The following NUSAP1 variants were observed in gnomAD, a reference collection of about 807,000 sequenced individuals.
NUSAP1 encodes nucleolar and spindle-associated protein 1.
NUSAP1 carries 32 observed loss-of-function variants against 52.8 expected under a neutral mutation model. The ratio of observed to expected loss-of-function variants is 0.61; its 90% CI spans 0.46 to 0.81. The LOEUF is 0.81. Ranked by LOEUF, NUSAP1 falls within the 40% of genes least tolerant of loss-of-function variation. The probability of loss-of-function intolerance (pLI) is 0.00; values close to 1 mark genes in which losing one functional copy is unlikely to be tolerated. For missense variants in NUSAP1, 499 were observed against 522.3 expected, an observed-to-expected ratio of 0.96 and a Z score of 0.43; for synonymous variants, 195 against 183.1, an observed-to-expected ratio of 1.06 and a Z score of -0.52.
intron 7 of NUSAP1, among the ~76,000 whole-genome samples, chr15:41,367,883 C>A (rs2049485680): frequency 6.6e-6 from 1 of 152,106 alleles, no homozygotes; most frequent in Non-Finnish European, 1.5e-5. Context: ...ACAGGTGCAT[C>A]TCCACTCCCC....
At chr15:41,365,724 CTTTTTT>C (rs757052862) in intron 7 of NUSAP1, 135 bp downstream of exon 7, 5 of 418,460 alleles carry the variant, frequency 1.2e-5, no homozygotes, top group Non-Finnish European at 1.9e-5. Flanking sequence ...TTTTCTTTTT[CTTTTTT>C]TTTTTTTTGA....
chr15:41,377,241 A>G lies in NUSAP1; in HGVS notation c.1169A>G (p.Asn390Ser), dbSNP rs1195006080. Residue 390 changes from asparagine (N) to serine (S), a missense_variant, in exon 10 of 11, where the codon AAT (asparagine) becomes AGT (serine). Coordinates refer to ENST00000559596, the MANE Select transcript of NUSAP1 (RefSeq NM_016359.5). ...WGQSKENNYL[N>S]QHVNRINFYK... Reference sequence around the variant, plus strand: ...CAATCTAAAGAAAATAATTATCTAAATCAACATGTCAACAGAATTAACTTC... The same window carrying G: ...CAATCTAAAGAAAATAATTATCTAAGTCAACATGTCAACAGAATTAACTTC... 1 of 1,542,572 alleles carries G rather than the reference A, an allele frequency of 6.5e-7. No individual in the cohort carries two copies. Among genetic ancestry groups the G allele is most frequent in the East Asian group, 2.4e-5 (1 of 41,112 alleles).
intron 7 of NUSAP1, among the ~76,000 whole-genome samples, chr15:41,366,722 C>A (rs769423564): frequency 6.6e-6 from 1 of 152,048 alleles, no homozygotes; most frequent in Non-Finnish European, 1.5e-5. Context: ...TCTGGTATTT[C>A]ATATATTTCC....
At chr15:41,374,023 A>T (rs991929309) in intron 8 of NUSAP1, among the ~76,000 whole-genome samples, 1 of 152,210 alleles carries the variant, frequency 6.6e-6, no homozygotes, top group African/African-American at 2.4e-5. Context: ...CCCCGTCTCT[A>T]CTAAAAATAC....
chr15:41,360,570 C>T (rs1418365884), intron 6 of NUSAP1, among the ~76,000 whole-genome samples: 1 of 152,102 alleles, frequency 6.6e-6, no homozygotes, highest in African/African-American at 2.4e-5. Context: ...CCTGCCTCAG[C>T]CTCCCAAAGT....
At chr15:41,360,988 G>A (rs1170159540) in intron 6 of NUSAP1, among the ~76,000 whole-genome samples, 1 of 152,010 alleles carries the variant, frequency 6.6e-6, no homozygotes, top group Non-Finnish European at 1.5e-5. Context: ...CAGCTACTCA[G>A]GAAGCTGAGA....
At chr15:41,349,325 T>C in intron 3 of NUSAP1, 84 bp downstream of exon 3, 5 of 1,305,720 alleles carry the variant, frequency 3.8e-6, no homozygotes, top group Non-Finnish European at 4.3e-6. Flanking sequence ...TAAATTCCCA[T>C]GTGATGTCAT....
At chr15:41,347,670 C>T (rs1301662977) in intron 2 of NUSAP1, among the ~76,000 whole-genome samples, 1 of 151,914 alleles carries the variant, frequency 6.6e-6, no homozygotes. Flanking sequence ...AAAGATTAGC[C>T]AGGCGTGGTG....
chr15:41,337,263 C>T (rs187701840), intron 1 of NUSAP1, among the ~76,000 whole-genome samples: 109 of 152,288 alleles, frequency 7.2e-4, no homozygotes, highest in African/African-American at 1.3e-3. Context: ...CAGCGATCCT[C>T]GCGCCTTGGC....
intron 1 of NUSAP1, among the ~76,000 whole-genome samples, chr15:41,336,682 C>T (rs1355649273): frequency 1.3e-5 from 1 of 74,298 alleles, no homozygotes; most frequent in Non-Finnish European, 2.7e-5. Context: ...GATAAGGTCT[C>T]GCTCTGTTGC....
At position 41,332,951 on chromosome 15, in the gene NUSAP1, A is replaced by C; in HGVS notation, c.-7A>C. The C allele has an allele frequency of 6.2e-7, 1 of 1,604,980 alleles. No individual in the cohort carries two copies. Among genetic ancestry groups the C allele is most frequent in the Non-Finnish European group, 8.5e-7 (1 of 1,174,798 alleles). On this transcript the variant is annotated 5_prime_UTR_variant, in exon 1 of 11. Transcript: ENST00000559596. ...TCTTCCGAGTATCGCCGGGATTTCG[A>C]ATCGCGATGATCATCCCCTCTCTAG...
intron 2 of NUSAP1, 38 bp downstream of exon 2, chr15:41,342,492 A>G (rs2048400639): frequency 1.4e-6 from 2 of 1,405,296 alleles, no homozygotes. Context: ...TTAGCTAGCA[A>G]AATAATCATA....
At position 41,356,107 on chromosome 15, in the gene NUSAP1, G is replaced by C. The variant is rs1450687245; in HGVS notation, c.517G>C (p.Gly173Arg). 6.2e-7 allele frequency: 1 copy of C among 1,607,034 alleles called. No homozygotes were observed. The highest frequency in any genetic ancestry group is 8.5e-7 in the Non-Finnish European group (1 of 1,176,774). The change falls in exon 5 of 11, where the codon GGA becomes CGA. Residue 173 changes from glycine (G) to arginine (R), a missense_variant. Physicochemically the swap from Gly to Arg is moderately radical, Grantham distance 125. Coordinates refer to ENST00000559596, the MANE Select transcript of NUSAP1 (RefSeq NM_016359.5). ...CTACACAGATGAGTCATCCAAACCT[G>C]GAAAAAATAAAAGAACTGCAATCAC... ...SLYTDESSKP[G>R]KNKRTAITTP...
intron 7 of NUSAP1, among the ~76,000 whole-genome samples, chr15:41,368,113 G>A (rs193177679): frequency 6.6e-6 from 1 of 152,208 alleles, no homozygotes; most frequent in Middle Eastern, 3.4e-3. Flanking sequence ...CCTTTCTTGT[G>A]GGGGGATGAA....
intron 1 of NUSAP1, among the ~76,000 whole-genome samples, chr15:41,335,128 C>G (rs923144014): frequency 2.6e-5 from 4 of 151,184 alleles, no homozygotes; most frequent in Admixed American, 6.6e-5. Context: ...AATTTTAGTA[C>G]ATAGCAAAAA....
intron 7 of NUSAP1, among the ~76,000 whole-genome samples, chr15:41,367,222 AG>A (rs1177590789): frequency 1.3e-5 from 2 of 152,160 alleles, no homozygotes; most frequent in African/African-American, 2.4e-5. Flanking sequence ...GCTTCTCTGC[AG>A]GGGTGAGGCA....
At chr15:41,374,370 AAG>A (rs1234371118) in intron 8 of NUSAP1, among the ~76,000 whole-genome samples, 1 of 152,102 alleles carries the variant, frequency 6.6e-6, no homozygotes, top group African/African-American at 2.4e-5. Flanking sequence ...ATGTGGCAGA[AAG>A]AGAGCTAGAG....
chr15:41,375,684 C>T lies in NUSAP1; in HGVS notation c.1007-28C>T, dbSNP rs746375552. On this transcript the variant is annotated intron_variant, in intron 8 of 10. Coordinates refer to ENST00000559596, the MANE Select transcript of NUSAP1 (RefSeq NM_016359.5). ...TACCAGGTCTTTGTTTCTAATTAAGCTCTTGGGTTTTTTCGGTGTGTTTTT... is the reference window on the plus strand; with the variant it reads ...TACCAGGTCTTTGTTTCTAATTAAGTTCTTGGGTTTTTTCGGTGTGTTTTT... 3 of 1,367,304 alleles carry T rather than the reference C, an allele frequency of 2.2e-6. No homozygotes were observed. The African/African-American group carries it at 4.3e-5, about 20-fold the overall frequency. The allele number at this position is 1,367,304 out of a possible 1,614,324, so 84.7% of individuals were successfully genotyped here.
At chr15:41,379,552 G>T (rs1031323804) in intron 10 of NUSAP1, among the ~76,000 whole-genome samples, 4 of 151,872 alleles carry the variant, frequency 2.6e-5, no homozygotes, top group Non-Finnish European at 5.9e-5. Flanking sequence ...ATTTATTTTT[G>T]TTTGTTTGTT....
Sources: gnomAD v4.1 joint callset for allele counts (sites outside exome capture counted in the v4.1 genomes callset) on GRCh38, gnomAD v4.1.1 for gene constraint, MANE v1.5 for transcripts, NCBI Gene and HGNC (gene_info 2026-07-23, HGNC 2026-07-21) for gene names.